Variants in SLC66A2 observed in about 807,000 individuals in gnomAD.
SLC66A2 encodes solute carrier family 66 member 2, also known as PQ loop repeat containing 1.
A neutral mutation model predicts 25.5 loss-of-function variants in SLC66A2; 23 were observed. That is an observed-to-expected ratio of 0.90 (90% CI 0.65 to 1.28). SLC66A2 has a LOEUF of 1.28. Among genes scored for constraint, SLC66A2 ranks in the 50% most tolerant of loss-of-function variants. The probability of loss-of-function intolerance (pLI) is 0.00; values close to 1 mark genes in which losing one functional copy is unlikely to be tolerated. For missense variants in SLC66A2, 396 were observed against 373.1 expected, an observed-to-expected ratio of 1.06 and a Z score of -0.51; for synonymous variants, 193 against 166.5, an observed-to-expected ratio of 1.16 and a Z score of -1.23.
rs1345811411 is a variant in SLC66A2 at position 79,918,557 on chromosome 18, G to A, written c.608+627C>T. ...GAGTTTTCTGCCCCCGCCACAGCGA[G>A]CAGATCTGTTTTTATTACAATGCAG... On this transcript the variant is annotated intron_variant, in intron 5 of 5. Coordinates refer to ENST00000397778, the MANE Select transcript of SLC66A2 (RefSeq NM_025078.5). The surrounding 1 kb of genome is among the most constrained non-coding windows in gnomAD (Gnocchi z 4.0). 6.6e-6 allele frequency among the ~76,000 whole-genome samples: 1 copy of A among 152,208 alleles called. No homozygotes were observed. Among genetic ancestry groups the A allele is most frequent in the Non-Finnish European group, 1.5e-5 (1 of 68,034 alleles).
intron 5 of SLC66A2, among the ~76,000 whole-genome samples, chr18:79,905,326 C>T (rs1052448001): frequency 1.3e-5 from 2 of 152,236 alleles, no homozygotes; most frequent in Non-Finnish European, 2.9e-5. Context: ...CCCCTGGATG[C>T]AGCTCCAGCT....
intron 2 of SLC66A2, among the ~76,000 whole-genome samples, chr18:79,946,728 G>A (rs2050937729): frequency 6.6e-6 from 1 of 152,224 alleles, no homozygotes; most frequent in South Asian, 2.1e-4. Flanking sequence ...AGCACTTTGG[G>A]AGGCCAAGGC....
intron 4 of SLC66A2, among the ~76,000 whole-genome samples, chr18:79,922,663 A>G (rs1327311738): frequency 6.6e-6 from 1 of 152,024 alleles, no homozygotes; most frequent in African/African-American, 2.4e-5. Flanking sequence ...CAGGGGACAT[A>G]GCGGCAGGGA....
intron 4 of SLC66A2, among the ~76,000 whole-genome samples, chr18:79,926,165 C>T (rs1456710644): frequency 6.6e-6 from 1 of 152,226 alleles, no homozygotes; most frequent in Non-Finnish European, 1.5e-5. Flanking sequence ...TTTAGCATAT[C>T]ATCAAGAAAT....
At position 79,904,979 on chromosome 18, in the gene SLC66A2, TC is replaced by T. The variant is rs935104096; in HGVS notation, c.609-797del. Among the ~76,000 whole-genome samples, 3 of 152,252 alleles carry T rather than the reference TC, an allele frequency of 2.0e-5. No homozygotes were observed. The highest frequency in any genetic ancestry group is 7.2e-5 in the African/African-American group (3 of 41,548). ...GCCCTCCCCCACCCTGGGGCGTCCG[TC>T]CCGCTCATAAGCCAGGGTGGGCACC... On this transcript the variant is annotated intron_variant, in intron 5 of 5. Coordinates refer to ENST00000397778, the MANE Select transcript of SLC66A2 (RefSeq NM_025078.5). This position sits in a 1 kb window ranked among gnomAD's most constrained non-coding sequence, Gnocchi z 6.3.
intron 1 of SLC66A2, 136 bp from the exon 2 acceptor site, chr18:79,951,161 G>T: frequency 4.5e-6 from 1 of 222,840 alleles, no homozygotes; most frequent in African/African-American, 2.3e-5. Context: ...GCGAGGAGCG[G>T]CCCCTGCCTG....
intron 3 of SLC66A2, among the ~76,000 whole-genome samples, chr18:79,934,476 G>C (rs891592449): frequency 7.2e-5 from 11 of 152,318 alleles, no homozygotes; most frequent in African/African-American, 2.4e-4. Flanking sequence ...GCCTGATAAA[G>C]CTGTTTTCAG....
At position 79,940,232 on chromosome 18, in the gene SLC66A2, G is replaced by A. The variant is rs1286083873; in HGVS notation, c.337+3097C>T. Among the ~76,000 whole-genome samples, 1 of 152,158 alleles carries A rather than the reference G, an allele frequency of 6.6e-6. No homozygotes were observed. The highest frequency in any genetic ancestry group is 2.4e-5 in the African/African-American group (1 of 41,418). On this transcript the variant is annotated intron_variant, in intron 3 of 5. Coordinates refer to ENST00000397778, the MANE Select transcript of SLC66A2 (RefSeq NM_025078.5). This position sits in a 1 kb window ranked among gnomAD's most constrained non-coding sequence, Gnocchi z 4.1. Reference sequence around the variant, plus strand: ...ACAACAGCCACTAGAGCCTGTCGGGGGGTGGAGAGCAGGAGGAGGGAGAGG... The same window carrying A: ...ACAACAGCCACTAGAGCCTGTCGGGAGGTGGAGAGCAGGAGGAGGGAGAGG...
rs114413629 is a variant in SLC66A2 at position 79,942,753 on chromosome 18, T to A, written c.337+576A>T. The stretch of plus-strand genomic sequence containing the variant: ...CAAAAACTGGAAGAAGTATTTTCTA[T>A]TTTCTAAGCTGCCAAAGGTTAAGGA... On this transcript the variant is annotated intron_variant, in intron 3 of 5. Coordinates refer to ENST00000397778, the MANE Select transcript of SLC66A2 (RefSeq NM_025078.5). 2.3e-3 allele frequency among the ~76,000 whole-genome samples: 357 copies of A among 152,346 alleles called. 1 individual carries two copies. Among genetic ancestry groups the A allele is most frequent in the South Asian group, 3.9e-3 (19 of 4,832 alleles).
At position 79,904,254 on chromosome 18, in the gene SLC66A2, G is replaced by A. The variant is rs754711886; in HGVS notation, c.609-71C>T. The A allele has an allele frequency of 7.1e-7, 1 of 1,407,824 alleles. No homozygotes were observed. Among genetic ancestry groups the A allele is most frequent in the Non-Finnish European group, 1.0e-6 (1 of 1,001,018 alleles). The allele number at this position is 1,407,824 out of a possible 1,614,324, so 87.2% of individuals were successfully genotyped here. Reference sequence around the variant, plus strand: ...CTGGGCTCAGTCAGTGGGGAGGCCTGGGGCTTAGACAGCGGGGAGACCTGG... The same window carrying A: ...CTGGGCTCAGTCAGTGGGGAGGCCTAGGGCTTAGACAGCGGGGAGACCTGG... On this transcript the variant is annotated intron_variant, in intron 5 of 5. Coordinates refer to ENST00000397778, the MANE Select transcript of SLC66A2 (RefSeq NM_025078.5). This position sits in a 1 kb window ranked among gnomAD's most constrained non-coding sequence, Gnocchi z 6.3.
chr18:79,937,040 A>T lies in SLC66A2; in HGVS notation c.338-3018T>A, dbSNP rs1186180024. ...GGCTAAGCGACACAGCCAGGCCTGG[A>T]GGTTTGAAGTCAAATGGAAAGAATT... On this transcript the variant is annotated intron_variant, in intron 3 of 5. Coordinates refer to ENST00000397778, the MANE Select transcript of SLC66A2 (RefSeq NM_025078.5). This position sits in a 1 kb window ranked among gnomAD's most constrained non-coding sequence, Gnocchi z 5.4. Among the ~76,000 whole-genome samples the T allele has an allele frequency of 6.6e-6, 1 of 152,144 alleles. No homozygotes were observed.
In SLC66A2 at chr18:79,917,528, ATC is replaced by A. The variant is rs1226805612; in HGVS notation, c.608+1654_608+1655del. Among the ~76,000 whole-genome samples the A allele has an allele frequency of 6.6e-6, 1 of 152,066 alleles. No individual in the cohort carries two copies. The highest frequency in any genetic ancestry group is 1.5e-5 in the Non-Finnish European group (1 of 67,990). ...TCGGCACGCGGGCACTGCCCACAGG[ATC>A]TCCAGCTGTGGGGTGGCTGGGGACG... is the stretch of plus-strand genomic sequence containing the variant. On this transcript the variant is annotated intron_variant, in intron 5 of 5. Coordinates refer to ENST00000397778, the MANE Select transcript of SLC66A2 (RefSeq NM_025078.5). This position sits in a 1 kb window ranked among gnomAD's most constrained non-coding sequence, Gnocchi z 6.0.
At chr18:79,907,202 G>A (rs1488947967) in intron 5 of SLC66A2, among the ~76,000 whole-genome samples, 6 of 152,058 alleles carry the variant, frequency 3.9e-5, no homozygotes, top group African/African-American at 7.2e-5. Context: ...AATTTAGATC[G>A]ACCATTTTAA....
intron 5 of SLC66A2, among the ~76,000 whole-genome samples, chr18:79,913,609 ACG>A (rs1983559082): frequency 6.6e-6 from 1 of 152,198 alleles, no homozygotes; most frequent in African/African-American, 2.4e-5. Context: ...GCATGCGCGC[ACG>A]CGCGCATGGA....
rs1987563878 is a variant in SLC66A2, at chr18:79,940,492, T to C, written c.337+2837A>G. On this transcript the variant is annotated intron_variant, in intron 3 of 5. Coordinates refer to ENST00000397778, the MANE Select transcript of SLC66A2 (RefSeq NM_025078.5). This position sits in a 1 kb window ranked among gnomAD's most constrained non-coding sequence, Gnocchi z 4.1. ...GCACATGTACCTGAACTTAAAAGCT[T>C]AAAAAAAAAAACAGAACATGTTCAG... Among the ~76,000 whole-genome samples the C allele has an allele frequency of 6.9e-6, 1 of 145,216 alleles. No homozygotes were observed. The highest frequency in any genetic ancestry group is 6.9e-5 in the Admixed American group (1 of 14,560).
In SLC66A2 at chr18:79,918,401, C is replaced by A. The variant is rs1599543172; in HGVS notation, c.608+783G>T. Among the ~76,000 whole-genome samples, 1 of 145,274 alleles carries A rather than the reference C, an allele frequency of 6.9e-6. No individual in the cohort carries two copies. ...GAGGAGCGGGCACCGGGGGGCGGAT[C>A]CCCAGTGAGGAGCGGGCCCGGGGGG... On this transcript the variant is annotated intron_variant, in intron 5 of 5. Coordinates refer to ENST00000397778, the MANE Select transcript of SLC66A2 (RefSeq NM_025078.5). This position sits in a 1 kb window ranked among gnomAD's most constrained non-coding sequence, Gnocchi z 4.0.
chr18:79,919,213 G>GT lies in SLC66A2; in HGVS notation c.578dup (p.Asn193LysfsTer22), dbSNP rs1266998135. On this transcript the variant is annotated frameshift_variant, in exon 5 of 6. Coordinates refer to ENST00000397778, the MANE Select transcript of SLC66A2 (RefSeq NM_025078.5). LOFTEE classifies it high-confidence loss of function. ...TGCCCTCCGTGGACTGGTGGCGGTG[G>GT]TTGCGGTAAAGCTGGGGCACACCCA... 1.9e-6 allele frequency: 3 copies of GT among 1,613,066 alleles called. No homozygotes were observed. The highest frequency in any genetic ancestry group is 2.5e-6 in the Non-Finnish European group (3 of 1,180,020).
intron 5 of SLC66A2, among the ~76,000 whole-genome samples, chr18:79,913,602 TGCGCGCAC>T (rs1280773387): frequency 2.6e-5 from 4 of 152,248 alleles, no homozygotes; most frequent in South Asian, 2.1e-4. Context: ...TGTGTGTGCA[TGCGCGCAC>T]GCGCGCATGG....
chr18:79,940,229 G>A lies in SLC66A2; in HGVS notation c.337+3100C>T, dbSNP rs1025946201. 6.6e-6 allele frequency among the ~76,000 whole-genome samples: 1 copy of A among 152,066 alleles called. No homozygotes were observed. The highest frequency in any genetic ancestry group is 1.5e-5 in the Non-Finnish European group (1 of 67,994). On this transcript the variant is annotated intron_variant, in intron 3 of 5. Transcript: ENST00000397778. The surrounding 1 kb of genome is among the most constrained non-coding windows in gnomAD (Gnocchi z 4.1). ...GGAACAACAGCCACTAGAGCCTGTCGGGGGGTGGAGAGCAGGAGGAGGGAG... is the reference window on the plus strand; with the variant it reads ...GGAACAACAGCCACTAGAGCCTGTCAGGGGGTGGAGAGCAGGAGGAGGGAG...
Sources: gnomAD v4.1 joint callset for allele counts (sites outside exome capture counted in the v4.1 genomes callset) on GRCh38, gnomAD v4.1.1 for gene constraint, Gnocchi (gnomAD v3.1) non-coding constraint, MANE v1.5 for transcripts, NCBI Gene and HGNC (gene_info 2026-07-23, HGNC 2026-07-21) for gene names.